The following CCSER1 variants were observed in gnomAD, a reference collection of about 807,000 sequenced individuals.
CCSER1 encodes the protein coiled-coil serine rich protein 1.
Under a neutral mutation model 82.0 loss-of-function variants are expected in CCSER1, and 41 were observed. That is an observed-to-expected ratio of 0.50 (90% CI 0.39 to 0.65). The LOEUF is 0.65. Ranked by LOEUF, CCSER1 falls within the 30% of genes least tolerant of loss-of-function variation. The pLI is 0.00. For missense variants in CCSER1, 1,119 were observed against 1,064.2 expected (o/e 1.05, Z -0.72); for synonymous variants, 414 against 383.9 (o/e 1.08, Z -0.92).
chr4:91,181,493 T>C (rs1215107539), intron 10 of CCSER1, among the ~76,000 whole-genome samples: 1 of 152,212 alleles, frequency 6.6e-6, no homozygotes, highest in Non-Finnish European at 1.5e-5. Flanking sequence ...GTCAAGCTCC[T>C]AGAGTAGGCC....
At chr4:90,610,856 T>C (rs1785374807) in intron 5 of CCSER1, among the ~76,000 whole-genome samples, 1 of 151,974 alleles carries the variant, frequency 6.6e-6, no homozygotes, top group Admixed American at 6.6e-5. Context: ...ACTCAGAAGA[T>C]TGCCATCAGT....
intron 10 of CCSER1, among the ~76,000 whole-genome samples, chr4:91,573,386 T>G (rs6831970): frequency 0.14 from 21,873 of 152,194 alleles, 1,866 homozygotes; most frequent in African/African-American, 0.24. Flanking sequence ...TCTTTCCTAG[T>G]AGTATACACA....
At chr4:90,146,226 A>G (rs1374715770) in intron 1 of CCSER1, among the ~76,000 whole-genome samples, 1 of 152,110 alleles carries the variant, frequency 6.6e-6, no homozygotes, top group Non-Finnish European at 1.5e-5. Context: ...TCCAATTTAT[A>G]TAGCACAGAT....
At chr4:90,709,138 T>G (rs1261519688) in intron 6 of CCSER1, among the ~76,000 whole-genome samples, 1 of 152,170 alleles carries the variant, frequency 6.6e-6, no homozygotes, top group Non-Finnish European at 1.5e-5. Flanking sequence ...ATTCATTCCA[T>G]ATAATGTAAA....
intron 1 of CCSER1, among the ~76,000 whole-genome samples, chr4:90,247,910 A>G (rs1181626148): frequency 6.6e-6 from 1 of 152,004 alleles, no homozygotes; most frequent in East Asian, 1.9e-4. Flanking sequence ...CAATTTCCCA[A>G]CCTGTAGTGA....
At chr4:90,637,917 A>T (rs1424226713) in intron 6 of CCSER1, among the ~76,000 whole-genome samples, 1 of 152,124 alleles carries the variant, frequency 6.6e-6, no homozygotes, top group Admixed American at 6.6e-5. Context: ...TCCCTTAAAG[A>T]CCAAACTTGG....
chr4:90,462,189 T>C (rs1289434742), intron 4 of CCSER1, among the ~76,000 whole-genome samples: 1 of 152,128 alleles, frequency 6.6e-6, no homozygotes, highest in Non-Finnish European at 1.5e-5. Context: ...AATGTCATTG[T>C]TACTTATGTA....
At chr4:90,503,070 T>C (rs2153612756) in intron 5 of CCSER1, among the ~76,000 whole-genome samples, 1 of 152,236 alleles carries the variant, frequency 6.6e-6, no homozygotes, top group East Asian at 1.9e-4. Flanking sequence ...AATAAATAAA[T>C]GCAAAAGTCC....
chr4:90,787,524 A>G (rs774157839), intron 7 of CCSER1, among the ~76,000 whole-genome samples: 3 of 152,206 alleles, frequency 2.0e-5, no homozygotes, highest in Admixed American at 1.3e-4. Flanking sequence ...TAGACATTAC[A>G]ATGCTGGTTA....
intron 1 of CCSER1, among the ~76,000 whole-genome samples, chr4:90,300,645 A>C (rs1185358370): frequency 6.6e-6 from 1 of 152,116 alleles, no homozygotes; most frequent in African/African-American, 2.4e-5. Flanking sequence ...AAATTCTAGG[A>C]AAATATTTGA....
At chr4:91,193,130 T>C (rs7660820) in intron 10 of CCSER1, among the ~76,000 whole-genome samples, 16,988 of 152,198 alleles carry the variant, frequency 0.11, 1,105 homozygotes, top group East Asian at 0.23. Context: ...AGCTCATCTA[T>C]AATACCTAAA....
At chr4:90,715,740 T>C (rs762819131) in intron 6 of CCSER1, among the ~76,000 whole-genome samples, 13 of 152,148 alleles carry the variant, frequency 8.5e-5, no homozygotes, top group Non-Finnish European at 1.9e-4. Context: ...TACTCACTCT[T>C]AAGCCTTATG....
intron 3 of CCSER1, among the ~76,000 whole-genome samples, chr4:90,378,864 A>G (rs1044454911): frequency 6.6e-6 from 1 of 152,154 alleles, no homozygotes; most frequent in Non-Finnish European, 1.5e-5. Context: ...ATGTCTCTCT[A>G]CAGAGAATAG....
intron 10 of CCSER1, among the ~76,000 whole-genome samples, chr4:91,261,197 TG>T (rs1353803647): frequency 1.3e-5 from 2 of 152,236 alleles, no homozygotes; most frequent in Non-Finnish European, 2.9e-5. Flanking sequence ...TAGCCATGGT[TG>T]AGAGCCAGTG....
chr4:91,401,514 A>C (rs1011448250), intron 10 of CCSER1, among the ~76,000 whole-genome samples: 18 of 151,712 alleles, frequency 1.2e-4, no homozygotes, highest in African/African-American at 2.4e-4. Context: ...TCGTCATTTA[A>C]ATTAGGTATA....
In CCSER1 at chr4:90,828,352, A is replaced by G. The variant is rs373428384; in HGVS notation, c.2094+12507A>G. ...GAATGCAATATCTACATACTTATCC[A>G]TAAGTCTATTTATATCACTAAGAAA... On this transcript the variant is annotated intron_variant, in intron 8 of 10. Coordinates refer to ENST00000509176, the MANE Select transcript of CCSER1 (RefSeq NM_001145065.2). Among the ~76,000 whole-genome samples, 9 of 152,188 alleles carry G rather than the reference A, an allele frequency of 5.9e-5. No homozygotes were observed. In the East Asian group the frequency reaches 9.6e-4, roughly 16 times the overall value.
intron 10 of CCSER1, among the ~76,000 whole-genome samples, chr4:91,330,907 G>C (rs1746904892): frequency 6.6e-6 from 1 of 152,116 alleles, no homozygotes; most frequent in South Asian, 2.1e-4. Flanking sequence ...ATGCAGTTTT[G>C]GGAAGCATGA....
Position 90,270,447 on chromosome 4 carries a change from T to A in CCSER1, c.-41-37797T>A, listed in dbSNP as rs1401278276. ...CAATTGACACTGAAAAATCATTTGA[T>A]AAAATAATAAAACTGTAAAAAATAC... On this transcript the variant is annotated intron_variant, in intron 1 of 10. Coordinates refer to ENST00000509176, the MANE Select transcript of CCSER1 (RefSeq NM_001145065.2). Among the ~76,000 whole-genome samples the A allele has an allele frequency of 3.9e-5, 6 of 151,964 alleles. No individual in the cohort carries two copies. The East Asian group carries it at 1.2e-3, about 29-fold the overall frequency.
intron 10 of CCSER1, among the ~76,000 whole-genome samples, chr4:91,392,688 A>G (rs1033555767): frequency 1.3e-5 from 2 of 152,142 alleles, no homozygotes; most frequent in Non-Finnish European, 2.9e-5. Context: ...AGTAGTTAAA[A>G]TCTGGAAATG....
Sources: gnomAD v4.1 joint callset for allele counts (sites outside exome capture counted in the v4.1 genomes callset) on GRCh38, gnomAD v4.1.1 for gene constraint, MANE v1.5 for transcripts, NCBI Gene and HGNC (gene_info 2026-07-23, HGNC 2026-07-21) for gene names.